ECT2L: variants seen among roughly 807,000 people sequenced by gnomAD.
ECT2L encodes epithelial cell transforming 2 like.
Under a neutral mutation model 122.8 loss-of-function variants are expected in ECT2L, and 126 were observed. That is an observed-to-expected ratio of 1.03 (90% CI 0.89 to 1.19). The LOEUF (loss-of-function observed/expected upper bound fraction) is 1.19. Among genes scored for constraint, ECT2L ranks in the 50% most tolerant of loss-of-function variants. The probability of loss-of-function intolerance (pLI) is 0.00; values close to 1 mark genes in which losing one functional copy is unlikely to be tolerated. For missense variants in ECT2L, 1,012 were observed against 1,064.1 expected (o/e 0.95, Z 0.68); for synonymous variants, 385 against 381.8 (o/e 1.01, Z -0.10).
At chr6:138,856,724 T>C (rs1210108887) in intron 10 of ECT2L, among the ~76,000 whole-genome samples, 1 of 152,196 alleles carries the variant, frequency 6.6e-6, no homozygotes, top group Non-Finnish European at 1.5e-5. Context: ...ACTATACCTG[T>C]GGGTACTAAA....
At chr6:138,825,784 T>A (rs2128380407) in intron 4 of ECT2L, among the ~76,000 whole-genome samples, 1 of 152,336 alleles carries the variant, frequency 6.6e-6, no homozygotes, top group South Asian at 2.1e-4. Flanking sequence ...TTTACCCATA[T>A]CTAGTTTTGC....
At chr6:138,889,089 T>TACTCA in intron 20 of ECT2L, 58 bp downstream of exon 20, 1 of 903,978 alleles carries the variant, frequency 1.1e-6, no homozygotes, top group Non-Finnish European at 1.6e-6. Flanking sequence ...GTGACTGTCT[T>TACTCA]ACTCATCCTG....
At chr6:138,884,249 T>A (rs9376382) in intron 16 of ECT2L, among the ~76,000 whole-genome samples, 3 of 152,028 alleles carry the variant, frequency 2.0e-5, no homozygotes, top group African/African-American at 7.2e-5. Flanking sequence ...AGTGAATATT[T>A]GATTTCTGTA....
chr6:138,798,051 A>C (rs1775403741), intron 1 of ECT2L, among the ~76,000 whole-genome samples: 1 of 152,238 alleles, frequency 6.6e-6, no homozygotes, highest in South Asian at 2.1e-4. Flanking sequence ...ATTACAAAGG[A>C]CAGATGAATA....
In ECT2L at chr6:138,822,334, A is replaced by T. The variant is rs1171871110; in HGVS notation, c.179+7731A>T. 2.0e-5 allele frequency among the ~76,000 whole-genome samples: 3 copies of T among 152,238 alleles called. No homozygotes were observed. In the East Asian group the frequency reaches 5.8e-4, roughly 29 times the overall value. ...TTTGGGAGGCTGAGGTCGGCGGATC[A>T]CTTGAGCTTAGGAGTTCAAGACCAG... On this transcript the variant is annotated intron_variant, in intron 4 of 21. Transcript: ENST00000541398.
intron 4 of ECT2L, among the ~76,000 whole-genome samples, chr6:138,821,953 G>A: frequency 6.6e-6 from 1 of 152,226 alleles, no homozygotes; most frequent in Non-Finnish European, 1.5e-5. Flanking sequence ...AGCAGGAAAA[G>A]ACACAGGGAC....
At chr6:138,897,609 G>T (rs940966506) in intron 20 of ECT2L, among the ~76,000 whole-genome samples, 9 of 152,236 alleles carry the variant, frequency 5.9e-5, no homozygotes, top group African/African-American at 2.2e-4. Context: ...CATTGTTGGA[G>T]ATCTTGAGGG....
At chr6:138,810,681 T>G (rs1404238173) in intron 1 of ECT2L, among the ~76,000 whole-genome samples, 5 of 152,204 alleles carry the variant, frequency 3.3e-5, no homozygotes, top group African/African-American at 1.2e-4. Flanking sequence ...TTGCTATGAA[T>G]CCTTTATATG....
At position 138,812,904 on chromosome 6, in the gene ECT2L, G is replaced by C. The variant is rs9403003; in HGVS notation, c.-177G>C. On this transcript the variant is annotated 5_prime_UTR_variant, in exon 2 of 22. Transcript: ENST00000541398. Reference sequence around the variant, plus strand: ...GTTTCTAAGTAGCATTTCCTGGAACGTTCTTAATGCTTCCCATTTTCCCAG... The same window carrying C: ...GTTTCTAAGTAGCATTTCCTGGAACCTTCTTAATGCTTCCCATTTTCCCAG... 0.27 allele frequency: 46,773 copies of C among 172,042 alleles called. 6,371 individuals are homozygous for C. The highest frequency in any genetic ancestry group is 0.31 in the East Asian group (1,983 of 6,494). 10.7% of individuals were successfully genotyped at this position (172,042 alleles called of 1,614,324 possible). A position where few individuals can be genotyped will look rare whatever the true frequency, so the allele number is the denominator to read the frequency against.
chr6:138,841,765 G>C (rs773459930), intron 5 of ECT2L, among the ~76,000 whole-genome samples: 2 of 152,282 alleles, frequency 1.3e-5, no homozygotes, highest in East Asian at 3.9e-4. Flanking sequence ...GGTTGAACAA[G>C]TCCTTATTGC....
At chr6:138,831,485 G>A (rs1236202332) in intron 4 of ECT2L, among the ~76,000 whole-genome samples, 2 of 152,126 alleles carry the variant, frequency 1.3e-5, no homozygotes, top group East Asian at 3.9e-4. Flanking sequence ...GCTCCTCAGG[G>A]ATGCTGCCTT....
rs1036705848 is a variant in ECT2L at position 138,796,189 on chromosome 6, A to G, written c.-247A>G. ...GTACCGGGCCTCATAGCCACTTCCTAGAGGTAAAGCCCGTGGCTTCTGAGC... is the reference window on the plus strand; with the variant it reads ...GTACCGGGCCTCATAGCCACTTCCTGGAGGTAAAGCCCGTGGCTTCTGAGC... On this transcript the variant is annotated 5_prime_UTR_variant, in exon 1 of 22. Coordinates refer to ENST00000541398, the MANE Select transcript of ECT2L (RefSeq NM_001077706.3). 4 of 152,172 alleles carry G rather than the reference A, an allele frequency of 2.6e-5. No individual in the cohort carries two copies. The highest frequency in any genetic ancestry group is 9.7e-5 in the African/African-American group (4 of 41,442). 9.4% of individuals were successfully genotyped at this position (152,172 alleles called of 1,614,324 possible).
chr6:138,825,548 A>C (rs1303946450), intron 4 of ECT2L, among the ~76,000 whole-genome samples: 1 of 152,122 alleles, frequency 6.6e-6, no homozygotes, highest in Non-Finnish European at 1.5e-5. Context: ...GTGCAATTGC[A>C]CTCCAGCCTG....
chr6:138,860,008 A>G (rs746949733), intron 10 of ECT2L, among the ~76,000 whole-genome samples: 17 of 152,084 alleles, frequency 1.1e-4, no homozygotes, highest in Non-Finnish European at 2.2e-4. Context: ...TATTTTTAGT[A>G]GAGACAGGGT....
intron 4 of ECT2L, among the ~76,000 whole-genome samples, chr6:138,815,356 T>A (rs1168561761): frequency 1.3e-5 from 2 of 152,202 alleles, no homozygotes; most frequent in Non-Finnish European, 2.9e-5. Context: ...TTCTCTTTCG[T>A]GAAATTCAAG....
intron 6 of ECT2L, 135 bp downstream of exon 6, chr6:138,843,366 GC>G: frequency 1.2e-6 from 1 of 855,424 alleles, no homozygotes; most frequent in Non-Finnish European, 1.7e-6. Context: ...TTCCAGATGA[GC>G]TTTTTTCCGT....
chr6:138,802,010 C>T (rs1161663627), intron 1 of ECT2L, among the ~76,000 whole-genome samples: 2 of 152,208 alleles, frequency 1.3e-5, no homozygotes, highest in Admixed American at 1.3e-4. Context: ...TCACTTGTCA[C>T]TTCTGAGGTT....
At chr6:138,821,304 A>G (rs1776260334) in intron 4 of ECT2L, among the ~76,000 whole-genome samples, 1 of 152,138 alleles carries the variant, frequency 6.6e-6, no homozygotes. Context: ...CATCATTGAA[A>G]ACTCCAGATA....
chr6:138,826,549 G>C (rs1454650480), intron 4 of ECT2L, among the ~76,000 whole-genome samples: 1 of 151,922 alleles, frequency 6.6e-6, no homozygotes, highest in East Asian at 1.9e-4. Context: ...TGTGGCAGTT[G>C]TCTGTAATTT....
Sources: allele counts gnomAD v4.1 joint callset (sites outside exome capture counted in the v4.1 genomes callset), GRCh38; gene constraint gnomAD v4.1.1; transcripts MANE v1.5; gene names NCBI Gene and HGNC (gene_info 2026-07-23, HGNC 2026-07-21).